CELF2: variants seen among roughly 807,000 people sequenced by gnomAD.
The protein encoded by CELF2 is CUGBP Elav-like family member 2.
In CELF2, 8 loss-of-function variants were observed where a neutral mutation model predicts 62.6. The ratio of observed to expected loss-of-function variants is 0.13; its 90% CI spans 0.07 to 0.23. The LOEUF is 0.23. Among genes scored for constraint, CELF2 ranks in the 10% least tolerant of loss-of-function variants. The probability of loss-of-function intolerance (pLI) is 1.00; values close to 1 mark genes in which losing one functional copy is unlikely to be tolerated. For missense variants in CELF2, 333 were observed against 671.0 expected (o/e 0.50, Z 5.56); for synonymous variants, 258 against 250.0 (o/e 1.03, Z -0.30).
chr10:11,023,225 C>G (rs2058629084), intron 1 of CELF2, among the ~76,000 whole-genome samples: 1 of 152,230 alleles, frequency 6.6e-6, no homozygotes, highest in Non-Finnish European at 1.5e-5. Context: ...AGTTCATTAG[C>G]ACCTACAAGT....
At chr10:10,944,569 C>T (rs139631211) in intron 2 of CELF2, among the ~76,000 whole-genome samples, 98 of 152,130 alleles carry the variant, frequency 6.4e-4, no homozygotes, top group African/African-American at 2.2e-3. Flanking sequence ...TGGTAGTGAG[C>T]GGCACAGAAT....
rs181610698 is a variant in CELF2 at position 11,176,570 on chromosome 10, T to C, written c.271+10888T>C. On this transcript the variant is annotated intron_variant, in intron 2 of 12. Transcript: ENST00000633077. ...TGTTTCTTTGCCATTTGTTTTCGAA[T>C]GGGTGTGGCATTGCTTATAAAATGT... Among the ~76,000 whole-genome samples, 71 of 152,300 alleles carry C rather than the reference T, an allele frequency of 4.7e-4. No individual in the cohort carries two copies. The East Asian group carries it at 6.4e-3, about 14-fold the overall frequency.
chr10:10,506,776 T>C, the CELF2 span, among the ~76,000 whole-genome samples: 1 of 148,358 alleles, frequency 6.7e-6, no homozygotes, highest in African/African-American at 2.5e-5. Context: ...TCCTGGATTC[T>C]GCCTAAGCCT....
rs1291354298 is a variant in CELF2 at position 11,039,756 on chromosome 10, T to C, written c.74+21593T>C. On this transcript the variant is annotated intron_variant, in intron 1 of 12. Coordinates refer to ENST00000633077, the MANE Select transcript of CELF2 (RefSeq NM_001326342.2). This position sits in a 1 kb window ranked among gnomAD's most constrained non-coding sequence, Gnocchi z 4.1. The stretch of plus-strand genomic sequence containing the variant: ...TTTCATTTAGGAAAAAAGATAATTA[T>C]ATATCTATTACGTCTTACATTTTTG... Among the ~76,000 whole-genome samples, 1 of 152,178 alleles carries C rather than the reference T, an allele frequency of 6.6e-6. No homozygotes were observed. The highest frequency in any genetic ancestry group is 1.5e-5 in the Non-Finnish European group (1 of 68,024).
chr10:10,669,314 A>C, the CELF2 span, among the ~76,000 whole-genome samples: 218 of 152,350 alleles, frequency 1.4e-3, 1 homozygote, highest in African/African-American at 4.9e-3. Flanking sequence ...TATGAAGAGT[A>C]AACTCCTAGT....
chr10:11,308,017 T>C (rs886681651), intron 9 of CELF2, among the ~76,000 whole-genome samples: 2 of 152,174 alleles, frequency 1.3e-5, no homozygotes, highest in Admixed American at 1.3e-4. Context: ...GCCTGTCTTG[T>C]GTTTTGTGTC....
At chr10:10,603,044 T>C in the CELF2 span, among the ~76,000 whole-genome samples, 1 of 152,212 alleles carries the variant, frequency 6.6e-6, no homozygotes, top group Admixed American at 6.5e-5. Flanking sequence ...TTTGTAACTT[T>C]ACCAAGTAGA....
At chr10:10,576,057 T>C in the CELF2 span, among the ~76,000 whole-genome samples, 2 of 152,220 alleles carry the variant, frequency 1.3e-5, no homozygotes. Context: ...GCAGAAGCTG[T>C]AAGGCAGAAC....
chr10:10,483,866 C>A, the CELF2 span, among the ~76,000 whole-genome samples: 1 of 151,150 alleles, frequency 6.6e-6, no homozygotes, highest in Non-Finnish European at 1.5e-5. Flanking sequence ...TGCCTTCCTT[C>A]CTTCCCTCCT....
intron 1 of CELF2, among the ~76,000 whole-genome samples, chr10:10,839,267 C>A (rs568373252): frequency 6.6e-6 from 1 of 152,272 alleles, no homozygotes; most frequent in South Asian, 2.1e-4. Flanking sequence ...ATACATTAAC[C>A]CATGCATATA....
At chr10:10,707,889 A>T in the CELF2 span, among the ~76,000 whole-genome samples, 1 of 152,188 alleles carries the variant, frequency 6.6e-6, no homozygotes, top group African/African-American at 2.4e-5. Flanking sequence ...CTTCAGGGAC[A>T]TGGACCTAAT....
rs1244993045 is a variant in CELF2 at position 11,237,496 on chromosome 10, A to C, written c.355-11657A>C. ...CAGGGTGGACAGAGTCGAGCCCTGC[A>C]AAGAGGCTCAGAAGATCCAGGTGAG... is the stretch of plus-strand genomic sequence containing the variant. On this transcript the variant is annotated intron_variant, in intron 3 of 12. Transcript: ENST00000633077. The surrounding 1 kb of genome is among the most constrained non-coding windows in gnomAD (Gnocchi z 4.0). 6.6e-6 allele frequency among the ~76,000 whole-genome samples: 1 copy of C among 152,156 alleles called. No homozygotes were observed. Among genetic ancestry groups the C allele is most frequent in the Non-Finnish European group, 1.5e-5 (1 of 68,022 alleles).
the CELF2 span, among the ~76,000 whole-genome samples, chr10:10,683,766 AT>A: frequency 6.6e-6 from 1 of 152,186 alleles, no homozygotes; most frequent in Non-Finnish European, 1.5e-5. Context: ...TTACGATTTC[AT>A]TGCTCAAGTG....
At chr10:10,865,345 A>G (rs2060287628) in intron 1 of CELF2, among the ~76,000 whole-genome samples, 1 of 152,200 alleles carries the variant, frequency 6.6e-6, no homozygotes, top group African/African-American at 2.4e-5. Flanking sequence ...AAAAATATCA[A>G]CCTGCATTTC....
chr10:10,518,985 T>C, the CELF2 span, among the ~76,000 whole-genome samples: 1 of 152,254 alleles, frequency 6.6e-6, no homozygotes, highest in Admixed American at 6.5e-5. Context: ...AAGAGCCAAG[T>C]TTTAGGAAGA....
intron 2 of CELF2, among the ~76,000 whole-genome samples, chr10:10,994,756 CA>C (rs1367266842): frequency 6.8e-6 from 1 of 147,990 alleles, no homozygotes; most frequent in African/African-American, 2.5e-5. Flanking sequence ...CTCCAGGTGC[CA>C]AAAAGGTTGG....
the CELF2 span, among the ~76,000 whole-genome samples, chr10:10,777,966 G>A: frequency 6.6e-6 from 1 of 151,994 alleles, no homozygotes; most frequent in Non-Finnish European, 1.5e-5. Flanking sequence ...GACAACTTCA[G>A]GTCTCATTCT....
chr10:10,736,396 C>CTTTCTTTTTTTTTT, the CELF2 span, among the ~76,000 whole-genome samples: 1 of 76,016 alleles, frequency 1.3e-5, no homozygotes, highest in African/African-American at 5.0e-5. Context: ...TTCTTTCTTT[C>CTTTCTTTTTTTTTT]TTTTTTTTTT....
chr10:10,588,844 T>C, the CELF2 span, among the ~76,000 whole-genome samples: 2 of 152,194 alleles, frequency 1.3e-5, no homozygotes, highest in Non-Finnish European at 2.9e-5. Context: ...CTGGTGTGGA[T>C]GCCAGTATTC....
Sources: allele counts gnomAD v4.1 joint callset (sites outside exome capture counted in the v4.1 genomes callset), GRCh38; gene constraint gnomAD v4.1.1; non-coding constraint Gnocchi (gnomAD v3.1); transcripts MANE v1.5; gene names NCBI Gene and HGNC (gene_info 2026-07-23, HGNC 2026-07-21).